DENND5A: variants seen among roughly 807,000 people sequenced by gnomAD.
DENND5A encodes DENN domain containing 5A.
In DENND5A, 64 loss-of-function variants were observed where a neutral mutation model predicts 140.3. That is an observed-to-expected ratio of 0.46 (90% CI 0.37 to 0.56). The LOEUF is 0.56. Ranked by LOEUF, DENND5A falls within the 20% of genes least tolerant of loss-of-function variation. The probability of loss-of-function intolerance (pLI) is 0.00; values close to 1 mark genes in which losing one functional copy is unlikely to be tolerated. For synonymous variants in DENND5A, 605 were observed against 607.7 expected (o/e 1.00, Z 0.07); for missense variants, 1,292 against 1,593.8 (o/e 0.81, Z 3.22).
intron 15 of DENND5A, among the ~76,000 whole-genome samples, chr11:9,148,417 A>C (rs1847502496): frequency 6.6e-6 from 1 of 152,200 alleles, no homozygotes; most frequent in Non-Finnish European, 1.5e-5. Flanking sequence ...CTGCCCAGTA[A>C]GTAAGGGGTT....
chr11:9,205,140 TA>T (rs970482639), intron 3 of DENND5A, among the ~76,000 whole-genome samples: 3 of 152,174 alleles, frequency 2.0e-5, no homozygotes, highest in African/African-American at 7.2e-5. Flanking sequence ...CTGTCATTAG[TA>T]AAACTTCTTT....
intron 4 of DENND5A, among the ~76,000 whole-genome samples, chr11:9,202,070 T>C (rs765412576): frequency 2.0e-5 from 3 of 152,214 alleles, no homozygotes; most frequent in Non-Finnish European, 4.4e-5. Flanking sequence ...ATCACTTCTA[T>C]GGTATTTTAG....
intron 1 of DENND5A, among the ~76,000 whole-genome samples, chr11:9,218,114 C>T (rs555814664): frequency 6.6e-6 from 1 of 152,192 alleles, no homozygotes; most frequent in South Asian, 2.1e-4. Context: ...AAAAGATTAG[C>T]CAGGCATGGT....
chr11:9,179,449 T>C (rs1250039239), intron 6 of DENND5A, among the ~76,000 whole-genome samples: 1 of 152,018 alleles, frequency 6.6e-6, no homozygotes, highest in African/African-American at 2.4e-5. Flanking sequence ...CTGGCTCTCT[T>C]GATTTTTTAT....
chr11:9,195,354 G>C (rs1222310294), intron 4 of DENND5A, among the ~76,000 whole-genome samples: 2 of 152,190 alleles, frequency 1.3e-5, no homozygotes, highest in Non-Finnish European at 2.9e-5. Flanking sequence ...GGGATTACAG[G>C]AATGAGCCAC....
Position 9,265,084 on chromosome 11 carries a change from G to A in DENND5A, c.-15C>T. The A allele has an allele frequency of 6.7e-7, 1 of 1,497,972 alleles. No individual in the cohort carries two copies. Among genetic ancestry groups the A allele is most frequent in the South Asian group, 1.2e-5 (1 of 80,064 alleles). The allele number at this position is 1,497,972 out of a possible 1,614,324, so 92.8% of individuals were successfully genotyped here. Reference sequence around the variant, plus strand: ...CCGCCACTCATGGCGCCGGGGCCGAGACCGGCCGGGCAGTGCGGAGCGGCA... The same window carrying A: ...CCGCCACTCATGGCGCCGGGGCCGAAACCGGCCGGGCAGTGCGGAGCGGCA... On this transcript the variant is annotated 5_prime_UTR_variant, in exon 1 of 23. Transcript: ENST00000328194. The surrounding 1 kb of genome is among the most constrained non-coding windows in gnomAD (Gnocchi z 4.7).
At chr11:9,259,155 G>C (rs111619184) in intron 1 of DENND5A, among the ~76,000 whole-genome samples, 1 of 152,064 alleles carries the variant, frequency 6.6e-6, no homozygotes, top group Non-Finnish European at 1.5e-5. Context: ...AGCTACTTGA[G>C]AGGCTGAGGC....
Position 9,203,994 on chromosome 11 carries a change from C to G in DENND5A, c.615G>C (p.Lys205Asn). The change falls in exon 4 of 23, where the codon AAG becomes AAC. Residue 205 changes from lysine to asparagine, a missense_variant. This residue lies in a region of DENND5A where 566 missense variants were observed against 650.4 expected (regional missense o/e 0.87). Transcript: ENST00000328194. ...ACATGGGTGTGATGAGGCAGATGCA[C>G]TTAGAGACGTAGAGAGTGTCCCGGC... ...DISRDTLYVS[K>N]CICLITPMSF... 3 of 1,614,112 alleles carry G rather than the reference C, an allele frequency of 1.9e-6. No individual in the cohort carries two copies. Among genetic ancestry groups the G allele is most frequent in the Non-Finnish European group, 2.5e-6 (3 of 1,180,018 alleles).
chr11:9,140,493 A>T (rs1452198327), intron 22 of DENND5A, among the ~76,000 whole-genome samples: 1 of 152,210 alleles, frequency 6.6e-6, no homozygotes, highest in Non-Finnish European at 1.5e-5. Context: ...ACCTACAGGA[A>T]TAGCCCCTAA....
chr11:9,170,511 C>G, intron 9 of DENND5A, 116 bp downstream of exon 9: 1 of 1,302,380 alleles, frequency 7.7e-7, no homozygotes. Context: ...TGGGTCTTCT[C>G]CATATCTGCT....
At chr11:9,238,074 T>C (rs890641097) in intron 1 of DENND5A, among the ~76,000 whole-genome samples, 1 of 152,218 alleles carries the variant, frequency 6.6e-6, no homozygotes, top group Non-Finnish European at 1.5e-5. Context: ...TTGTCTGTTA[T>C]CTCATATACA....
intron 1 of DENND5A, among the ~76,000 whole-genome samples, chr11:9,239,091 CA>C (rs1851127481): frequency 6.6e-6 from 1 of 152,046 alleles, no homozygotes; most frequent in South Asian, 2.1e-4. Context: ...CTCAGCCTTC[CA>C]AAATGCTGGG....
In DENND5A at chr11:9,203,642, T is replaced by G. The variant is rs760402169; in HGVS notation, c.949+18A>C. The G allele has an allele frequency of 6.3e-7, 1 of 1,596,686 alleles. No homozygotes were observed. Among genetic ancestry groups the G allele is most frequent in the South Asian group, 1.1e-5 (1 of 88,176 alleles). ...GAAGCCTGAGGCAGGCAGAAGGCTC[T>G]AGTAAGCACTGACTTACGCTGTGAG... On this transcript the variant is annotated intron_variant, in intron 4 of 22. Coordinates refer to ENST00000328194, the MANE Select transcript of DENND5A (RefSeq NM_015213.4).
At chr11:9,155,331 G>T (rs1847767755) in intron 12 of DENND5A, among the ~76,000 whole-genome samples, 1 of 152,146 alleles carries the variant, frequency 6.6e-6, no homozygotes, top group Admixed American at 6.5e-5. Flanking sequence ...TAAATTAATA[G>T]AACTGTCTGA....
chr11:9,206,649 T>C (rs775953011), intron 3 of DENND5A, 24 bp downstream of exon 3: 33 of 1,495,376 alleles, frequency 2.2e-5, no homozygotes, highest in African/African-American at 2.8e-5. Flanking sequence ...AATTATCTCA[T>C]ACTTGTGGCT....
intron 4 of DENND5A, 82 bp downstream of exon 4, chr11:9,203,576 CTT>C: frequency 6.8e-7 from 1 of 1,460,430 alleles, no homozygotes; most frequent in African/African-American, 1.4e-5. Flanking sequence ...AGCTCTTAAC[CTT>C]TACAGTCAGC....
chr11:9,201,047 A>G (rs1252642358), intron 4 of DENND5A, among the ~76,000 whole-genome samples: 2 of 152,170 alleles, frequency 1.3e-5, no homozygotes, highest in African/African-American at 4.8e-5. Flanking sequence ...GTGAATTATA[A>G]CCTGAGTAAA....
intron 1 of DENND5A, among the ~76,000 whole-genome samples, chr11:9,213,407 A>C (rs1300748031): frequency 6.6e-6 from 1 of 151,718 alleles, no homozygotes; most frequent in Non-Finnish European, 1.5e-5. Context: ...TAATTACCTC[A>C]AATTTAAAGT....
chr11:9,189,683 C>A (rs1849045591), intron 5 of DENND5A, among the ~76,000 whole-genome samples: 1 of 151,932 alleles, frequency 6.6e-6, no homozygotes, highest in Admixed American at 6.6e-5. Context: ...TATTGTTGCC[C>A]AGGCTAGAGT....
Sources: gnomAD v4.1 joint callset for allele counts (sites outside exome capture counted in the v4.1 genomes callset) on GRCh38, gnomAD v4.1.1 for gene constraint, gnomAD v4.1.1 regional missense constraint, Gnocchi (gnomAD v3.1) non-coding constraint, MANE v1.5 for transcripts, NCBI Gene and HGNC (gene_info 2026-07-23, HGNC 2026-07-21) for gene names.